CD36: variants seen among roughly 807,000 people sequenced by gnomAD.
CD36 encodes the protein platelet glycoprotein 4.
A neutral mutation model predicts 55.2 loss-of-function variants in CD36; 119 were observed. The ratio of observed to expected loss-of-function variants is 2.15; its 90% CI spans 1.86 to 2.51. The LOEUF (loss-of-function observed/expected upper bound fraction) is 2.51, where lower values mean the gene tolerates loss of function less well. CD36 is among the 30% of genes most tolerant of loss of function. CD36 has a pLI of 0.00. For missense variants in CD36, 819 were observed against 555.5 expected, an observed-to-expected ratio of 1.47 and a Z score of -4.77; for synonymous variants, 186 against 193.6, an observed-to-expected ratio of 0.96 and a Z score of 0.33.
At chr7:80,626,503 T>A (rs1172549492) in intron 1 of CD36, among the ~76,000 whole-genome samples, 1 of 152,100 alleles carries the variant, frequency 6.6e-6, no homozygotes, top group Non-Finnish European at 1.5e-5. Flanking sequence ...ACTAGTACAG[T>A]CTATTATCTA....
intron 1 of CD36, among the ~76,000 whole-genome samples, chr7:80,605,381 TAACA>T (rs1221422861): frequency 6.6e-6 from 1 of 152,178 alleles, no homozygotes. Context: ...TGATGAAGGT[TAACA>T]AACAAAAACT....
At chr7:80,673,920 T>C (rs542131421) in intron 13 of CD36, 63 bp from the exon 14 acceptor site, 2 of 1,236,672 alleles carry the variant, frequency 1.6e-6, no homozygotes, top group Admixed American at 1.7e-5. Flanking sequence ...TGATAGGCAA[T>C]TGAAGGGTTT....
At chr7:80,620,558 T>A (rs1309410616) in intron 1 of CD36, among the ~76,000 whole-genome samples, 1 of 152,168 alleles carries the variant, frequency 6.6e-6, no homozygotes, top group Non-Finnish European at 1.5e-5. Context: ...AGCATTCAGC[T>A]ATCAAGAAGC....
In CD36 at chr7:80,673,343, C is replaced by T. The variant is rs765778656; in HGVS notation, c.1200-12C>T. ...TTTATATGTTCATAATTATTTTCAA[C>T]GTATATTACAGAGTATTAAAGAATC... is the stretch of plus-strand genomic sequence containing the variant. On this transcript the variant is annotated splice_polypyrimidine_tract_variant and intron_variant, in intron 12 of 14. Transcript: ENST00000447544. The T allele has an allele frequency of 7.6e-5, 93 of 1,221,430 alleles. No individual in the cohort carries two copies. The highest frequency in any genetic ancestry group is 8.7e-5 in the Non-Finnish European group (73 of 838,784). The allele number at this position is 1,221,430 out of a possible 1,614,324, so 75.7% of individuals were successfully genotyped here.
intron 1 of CD36, among the ~76,000 whole-genome samples, chr7:80,619,994 T>C (rs1212142408): frequency 6.6e-6 from 1 of 152,210 alleles, no homozygotes; most frequent in Non-Finnish European, 1.5e-5. Flanking sequence ...AAGTAGCTTT[T>C]CTAATTGAGC....
intron 1 of CD36, among the ~76,000 whole-genome samples, chr7:80,608,614 A>G (rs1444545100): frequency 6.6e-6 from 1 of 152,200 alleles, no homozygotes. Context: ...CCATTTTACA[A>G]ATGAGTAAAC....
At chr7:80,648,202 G>T (rs1432008188) in intron 3 of CD36, among the ~76,000 whole-genome samples, 3 of 152,118 alleles carry the variant, frequency 2.0e-5, no homozygotes, top group African/African-American at 7.2e-5. Flanking sequence ...TTATCTAATA[G>T]TGGGATGGAG....
chr7:80,617,920 A>T (rs1274375252), intron 1 of CD36, among the ~76,000 whole-genome samples: 5 of 152,154 alleles, frequency 3.3e-5, no homozygotes, highest in Non-Finnish European at 1.5e-5. Context: ...GTCATGCCTA[A>T]ATTCATTGGA....
chr7:80,624,805 A>G (rs1342742409), intron 1 of CD36, among the ~76,000 whole-genome samples: 1 of 152,062 alleles, frequency 6.6e-6, no homozygotes, highest in Non-Finnish European at 1.5e-5. Context: ...TTAGCCAAAG[A>G]TGTATTATAA....
At chr7:80,627,522 C>T (rs1431467119) in intron 1 of CD36, among the ~76,000 whole-genome samples, 7 of 151,272 alleles carry the variant, frequency 4.6e-5, no homozygotes, top group Non-Finnish European at 7.4e-5. Flanking sequence ...AATGAGCAGT[C>T]CAGAACACTA....
At chr7:80,671,197 C>T (rs771389120) in intron 10 of CD36, 33 bp downstream of exon 10, 20 of 1,406,924 alleles carry the variant, frequency 1.4e-5, no homozygotes, top group Non-Finnish European at 2.0e-6. Flanking sequence ...ACAGTCCATA[C>T]CATAATTTGT....
chr7:80,625,788 T>A (rs1285539506), intron 1 of CD36, among the ~76,000 whole-genome samples: 1 of 152,190 alleles, frequency 6.6e-6, no homozygotes, highest in Non-Finnish European at 1.5e-5. Context: ...GCTAGTATTA[T>A]GTAAATGACT....
intron 1 of CD36, among the ~76,000 whole-genome samples, chr7:80,624,602 C>T (rs921991511): frequency 1.1e-4 from 16 of 151,956 alleles, no homozygotes; most frequent in Admixed American, 3.9e-4. Flanking sequence ...GTGTAGCCAT[C>T]TTTTATTCTT....
At chr7:80,614,256 G>T (rs1793028144) in intron 1 of CD36, among the ~76,000 whole-genome samples, 1 of 152,118 alleles carries the variant, frequency 6.6e-6, no homozygotes, top group Non-Finnish European at 1.5e-5. Context: ...AGAAACAATG[G>T]TGACTGTTTT....
At chr7:80,637,136 T>G (rs1794474199), upstream of CD36, 2 of 152,128 alleles carry the variant, frequency 1.3e-5, no homozygotes, top group South Asian at 4.1e-4. Flanking sequence ...TAAACAGGTC[T>G]TATCTGAACC....
chr7:80,656,513 A>C (rs1217465584), intron 3 of CD36, 27 bp from the exon 4 acceptor site: 1 of 1,609,834 alleles, frequency 6.2e-7, no homozygotes, highest in South Asian at 1.1e-5. Context: ...ACAAAGACAT[A>C]ACCCAAACTT....
intron 3 of CD36, among the ~76,000 whole-genome samples, chr7:80,654,998 C>T (rs1341505710): frequency 2.6e-5 from 4 of 152,220 alleles, no homozygotes; most frequent in African/African-American, 7.2e-5. Flanking sequence ...CTTGGGCCAG[C>T]CACCTGGTTT....
chr7:80,674,448 G>A (rs1798067354), intron 14 of CD36: 3 of 329,800 alleles, frequency 9.1e-6, no homozygotes, highest in Non-Finnish European at 1.7e-5. Flanking sequence ...CAATTATATA[G>A]CTAGTTATAT....
chr7:80,656,505 A>G, intron 3 of CD36, 35 bp from the exon 4 acceptor site: 1 of 1,606,278 alleles, frequency 6.2e-7, no homozygotes, highest in Non-Finnish European at 8.5e-7. Context: ...TACTTACTAC[A>G]AAGACATAAC....
Sources: gnomAD v4.1 joint callset for allele counts (sites outside exome capture counted in the v4.1 genomes callset) on GRCh38, gnomAD v4.1.1 for gene constraint, MANE v1.5 for transcripts, NCBI Gene and HGNC (gene_info 2026-07-23, HGNC 2026-07-21) for gene names.